NR2F1-AS1: variants seen among roughly 807,000 people sequenced by gnomAD.
NR2F1-AS1 encodes the protein NR2F1 antisense RNA 1.
chr5:93,422,294 G>C (rs1749105714), intron 4 of NR2F1-AS1: 1 of 152,288 alleles, frequency 6.6e-6, no homozygotes, highest in Non-Finnish European at 1.5e-5. Flanking sequence ...TCAGCTAAGT[G>C]CTTGCTCTTG....
At position 93,511,495 on chromosome 5, in the gene NR2F1-AS1, TAAC is replaced by T. The variant is rs568652366; in HGVS notation, n.638+42263_638+42265del. Among the ~76,000 whole-genome samples the T allele has an allele frequency of 1.4e-4, 22 of 152,286 alleles. No homozygotes were observed. In the South Asian group the frequency reaches 4.4e-3, roughly 30 times the overall value. ...ATGTTCCTTACAGTCAGGTGCTACT[TAAC>T]AATATTTAGGTAATGATGGATCTCA... is the stretch of plus-strand genomic sequence containing the variant. On this transcript the variant is annotated intron_variant and non_coding_transcript_variant, in intron 4 of 5. Coordinates refer to ENST00000660523, the Ensembl canonical transcript of NR2F1-AS1.
intron 4 of NR2F1-AS1, among the ~76,000 whole-genome samples, chr5:93,450,229 C>A (rs1306603120): frequency 6.6e-6 from 1 of 152,156 alleles, no homozygotes; most frequent in Non-Finnish European, 1.5e-5. Flanking sequence ...GATTTTAAGT[C>A]ATTTCTCAAA....
intron 4 of NR2F1-AS1, among the ~76,000 whole-genome samples, chr5:93,477,703 C>T (rs1750514337): frequency 6.6e-6 from 1 of 152,132 alleles, no homozygotes; most frequent in Admixed American, 6.6e-5. Flanking sequence ...AGGCAGCTAG[C>T]CAGCCAGCCA....
intron 4 of NR2F1-AS1, among the ~76,000 whole-genome samples, chr5:93,473,375 A>G (rs1259207036): frequency 6.6e-6 from 1 of 152,042 alleles, no homozygotes; most frequent in Admixed American, 6.5e-5. Flanking sequence ...TTATCTAAAA[A>G]TACTTACAGT....
At chr5:93,446,558 C>T (rs1279367700) in intron 4 of NR2F1-AS1, among the ~76,000 whole-genome samples, 2 of 152,050 alleles carry the variant, frequency 1.3e-5, no homozygotes, top group East Asian at 3.9e-4. Flanking sequence ...AAAGAGGACA[C>T]AAACAAATGG....
At chr5:93,577,408 G>A (rs1752921129) in intron 1 of NR2F1-AS1, among the ~76,000 whole-genome samples, 1 of 152,242 alleles carries the variant, frequency 6.6e-6, no homozygotes, top group South Asian at 2.1e-4. Context: ...AGGGTAGGCA[G>A]TCCACCAGAA....
At chr5:93,503,998 T>C (rs776006760) in intron 4 of NR2F1-AS1, among the ~76,000 whole-genome samples, 12 of 152,282 alleles carry the variant, frequency 7.9e-5, no homozygotes, top group Middle Eastern at 3.4e-3. Context: ...GTGGGAAACT[T>C]TGCAGACTAA....
intron 4 of NR2F1-AS1, among the ~76,000 whole-genome samples, chr5:93,478,273 C>G (rs902583050): frequency 1.5e-4 from 23 of 152,192 alleles, no homozygotes; most frequent in Non-Finnish European, 2.9e-4. Flanking sequence ...TCACATGTTA[C>G]AATGACAATG....
chr5:93,495,721 A>G (rs941880038), intron 4 of NR2F1-AS1, among the ~76,000 whole-genome samples: 2 of 152,260 alleles, frequency 1.3e-5, no homozygotes, highest in East Asian at 3.9e-4. Flanking sequence ...ATATACAAAC[A>G]TGATTTGTAT....
At chr5:93,494,981 C>T (rs1354298344) in intron 4 of NR2F1-AS1, among the ~76,000 whole-genome samples, 1 of 151,850 alleles carries the variant, frequency 6.6e-6, no homozygotes, top group Non-Finnish European at 1.5e-5. Flanking sequence ...ATGATATATC[C>T]AGAATAAGCA....
At chr5:93,492,026 A>G (rs1176754580) in intron 4 of NR2F1-AS1, among the ~76,000 whole-genome samples, 3 of 152,200 alleles carry the variant, frequency 2.0e-5, no homozygotes, top group Non-Finnish European at 4.4e-5. Context: ...ACCCTGACTA[A>G]TACATCAACT....
intron 1 of NR2F1-AS1, among the ~76,000 whole-genome samples, chr5:93,578,224 C>G (rs1752939595): frequency 6.6e-6 from 1 of 152,318 alleles, no homozygotes; most frequent in East Asian, 1.9e-4. Flanking sequence ...GCTTCTCTTC[C>G]TCTCTCACCA....
At chr5:93,461,827 A>G (rs1295434964) in intron 4 of NR2F1-AS1, among the ~76,000 whole-genome samples, 2 of 152,196 alleles carry the variant, frequency 1.3e-5, no homozygotes, top group Non-Finnish European at 1.5e-5. Context: ...GACATCTATA[A>G]TAATTTTACT....
At chr5:93,413,318 CAAG>C (rs1026734480) in intron 4 of NR2F1-AS1, among the ~76,000 whole-genome samples, 26 of 151,908 alleles carry the variant, frequency 1.7e-4, no homozygotes, top group Non-Finnish European at 3.7e-4. Flanking sequence ...AGCCCATCCT[CAAG>C]GAGGAAAAGA....
chr5:93,482,269 C>A lies in NR2F1-AS1; in HGVS notation n.638+71492G>T, dbSNP rs1750616273. Among the ~76,000 whole-genome samples, 3 of 152,214 alleles carry A rather than the reference C, an allele frequency of 2.0e-5. No homozygotes were observed. The South Asian group carries it at 6.2e-4, about 32-fold the overall frequency. On this transcript the variant is annotated intron_variant and non_coding_transcript_variant, in intron 4 of 5. Coordinates refer to ENST00000660523, the Ensembl canonical transcript of NR2F1-AS1. ...AGGTACCTGACTCATCTCATTGGGACAGGTTAGACGGTGGGTGCAGCCTGC... is the reference window on the plus strand; with the variant it reads ...AGGTACCTGACTCATCTCATTGGGAAAGGTTAGACGGTGGGTGCAGCCTGC...
intron 4 of NR2F1-AS1, among the ~76,000 whole-genome samples, chr5:93,476,450 A>C (rs1475342458): frequency 6.6e-6 from 1 of 152,160 alleles, no homozygotes; most frequent in African/African-American, 2.4e-5. Context: ...CCCACAGTTA[A>C]AGGAAAGCAG....
chr5:93,557,552 C>A (rs569995049), intron 2 of NR2F1-AS1, among the ~76,000 whole-genome samples: 14 of 151,912 alleles, frequency 9.2e-5, no homozygotes, highest in Non-Finnish European at 1.8e-4. Context: ...TATGTACACA[C>A]CTTAATTTTA....
intron 4 of NR2F1-AS1, among the ~76,000 whole-genome samples, chr5:93,447,252 C>T (rs1315648120): frequency 6.6e-6 from 1 of 152,164 alleles, no homozygotes; most frequent in African/African-American, 2.4e-5. Flanking sequence ...AAACTACCAT[C>T]AGAGTGAACA....
chr5:93,501,319 TTTG>T (rs138163412), intron 4 of NR2F1-AS1, among the ~76,000 whole-genome samples: 94,900 of 141,148 alleles, frequency 0.67, 32,368 homozygotes, highest in East Asian at 0.84. Context: ...TAGTAAGGTT[TTTG>T]TTGTTGTTGT....
Sources: allele counts gnomAD v4.1 joint callset (sites outside exome capture counted in the v4.1 genomes callset), GRCh38; gene constraint gnomAD v4.1.1; transcripts MANE v1.5; gene names NCBI Gene and HGNC (gene_info 2026-07-23, HGNC 2026-07-21).